The following ANKS1B variants were observed in gnomAD, a reference collection of about 807,000 sequenced individuals.
ANKS1B encodes the protein ankyrin repeat and sterile alpha motif domain-containing protein 1B.
Under a neutral mutation model 148.3 loss-of-function variants are expected in ANKS1B, and 36 were observed. The ratio of observed to expected loss-of-function variants is 0.24; its 90% CI spans 0.19 to 0.32. The LOEUF is 0.32. Ranked by LOEUF, ANKS1B falls within the 10% of genes least tolerant of loss-of-function variation. The pLI is 1.00. For missense variants in ANKS1B, 1,157 were observed against 1,542.6 expected, an observed-to-expected ratio of 0.75 and a Z score of 4.19; for synonymous variants, 542 against 560.8, an observed-to-expected ratio of 0.97 and a Z score of 0.47.
At chr12:98,955,591 G>T (rs909543735) in intron 17 of ANKS1B, among the ~76,000 whole-genome samples, 3 of 152,182 alleles carry the variant, frequency 2.0e-5, no homozygotes, top group Non-Finnish European at 1.5e-5. Flanking sequence ...TGGAAGAGGT[G>T]AGAGGCAGTT....
intron 25 of ANKS1B, among the ~76,000 whole-genome samples, chr12:98,760,561 G>A (rs146637431): frequency 6.6e-6 from 1 of 152,288 alleles, no homozygotes; most frequent in East Asian, 1.9e-4. Flanking sequence ...CTACTTTCCA[G>A]CAAAATCTGG....
intron 1 of ANKS1B, among the ~76,000 whole-genome samples, chr12:99,936,166 G>A (rs1373643962): frequency 6.6e-6 from 1 of 152,132 alleles, no homozygotes; most frequent in Non-Finnish European, 1.5e-5. Flanking sequence ...ACAATCCAAG[G>A]TGAGATTTGG....
chr12:99,843,692 T>C (rs775802708), intron 1 of ANKS1B, among the ~76,000 whole-genome samples: 1 of 152,074 alleles, frequency 6.6e-6, no homozygotes, highest in Non-Finnish European at 1.5e-5. Flanking sequence ...TGTCTTTGTT[T>C]TGTGAATGAT....
At chr12:99,098,109 C>G (rs1031633588) in intron 15 of ANKS1B, among the ~76,000 whole-genome samples, 2 of 152,120 alleles carry the variant, frequency 1.3e-5, no homozygotes, top group African/African-American at 4.8e-5. Context: ...CTGAACAATT[C>G]TATAAAATAG....
chr12:99,521,319 C>A (rs1261266119), intron 9 of ANKS1B, among the ~76,000 whole-genome samples: 4 of 152,130 alleles, frequency 2.6e-5, no homozygotes, highest in African/African-American at 9.7e-5. Flanking sequence ...TTTTGAGTTT[C>A]CTCAACACAG....
intron 15 of ANKS1B, among the ~76,000 whole-genome samples, chr12:99,146,999 A>G (rs1342861191): frequency 6.6e-6 from 1 of 152,124 alleles, no homozygotes; most frequent in African/African-American, 2.4e-5. Flanking sequence ...TCATGCTACA[A>G]TAGCTGTGTT....
intron 10 of ANKS1B, among the ~76,000 whole-genome samples, chr12:99,446,824 C>A (rs1031312644): frequency 6.6e-6 from 1 of 151,898 alleles, no homozygotes; most frequent in African/African-American, 2.4e-5. Flanking sequence ...TTAGGGTATG[C>A]CTTTGAGTAC....
At chr12:99,863,171 C>G (rs2090263312) in intron 1 of ANKS1B, among the ~76,000 whole-genome samples, 1 of 151,980 alleles carries the variant, frequency 6.6e-6, no homozygotes, top group South Asian at 2.1e-4. Flanking sequence ...ATGTATGTGC[C>G]TCTGTTTTTT....
chr12:99,590,344 T>C (rs927498960), intron 9 of ANKS1B, among the ~76,000 whole-genome samples: 3 of 151,566 alleles, frequency 2.0e-5, no homozygotes, highest in African/African-American at 7.3e-5. Flanking sequence ...CCTTACTCTA[T>C]GGAGTTGCCG....
intron 12 of ANKS1B, among the ~76,000 whole-genome samples, chr12:99,339,997 T>C (rs2089638392): frequency 6.6e-6 from 1 of 152,180 alleles, no homozygotes; most frequent in Non-Finnish European, 1.5e-5. Flanking sequence ...TTAGTCTTAA[T>C]TTCTTTCCCA....
intron 17 of ANKS1B, among the ~76,000 whole-genome samples, chr12:99,032,743 C>A (rs1269972950): frequency 1.3e-5 from 2 of 152,100 alleles, no homozygotes; most frequent in Admixed American, 6.5e-5. Flanking sequence ...TTTGTTGGGT[C>A]TCATGAACTT....
intron 11 of ANKS1B, among the ~76,000 whole-genome samples, chr12:99,413,911 C>G (rs2094805336): frequency 2.0e-5 from 3 of 152,166 alleles, no homozygotes; most frequent in Middle Eastern, 3.4e-3. Context: ...AGGGCCCTCA[C>G]CCGGTGCACC....
chr12:99,682,610 C>T (rs191125857), intron 8 of ANKS1B, among the ~76,000 whole-genome samples: 2 of 152,118 alleles, frequency 1.3e-5, no homozygotes, highest in Admixed American at 6.6e-5. Flanking sequence ...AAAAGTGGTG[C>T]TAAAAGGAAA....
chr12:98,955,726 A>G (rs998546452), intron 17 of ANKS1B, among the ~76,000 whole-genome samples: 7 of 152,224 alleles, frequency 4.6e-5, no homozygotes, highest in Non-Finnish European at 1.0e-4. Context: ...GCAACTAGAA[A>G]GATGCAGCTG....
Position 99,246,523 on chromosome 12 carries a change from C to A in ANKS1B, c.2098G>T (p.Asp700Tyr), listed in dbSNP as rs746679510. The change falls in exon 13 of 27, where the codon GAC (aspartate) becomes TAC (tyrosine). Residue 700 changes from aspartate to tyrosine, a missense_variant. Around this residue, in one of 6 missense-constraint regions of ANKS1B, gnomAD observed 661 missense variants for 642.1 expected, o/e 1.03. Transcript: ENST00000683438. ...CCCCCTGCGTTCATAACCCACTGGT[C>A]CCCATTCCGAGATCCACTCCTGGTT... is the stretch of plus-strand genomic sequence containing the variant. ...RSTRSGSRNG[D>Y]QWVMNAGGFV... 6.2e-7 allele frequency: 1 copy of A among 1,613,282 alleles called. No homozygotes were observed. Among genetic ancestry groups the A allele is most frequent in the East Asian group, 2.2e-5 (1 of 44,850 alleles).
chr12:99,012,484 C>T (rs1239091200), intron 17 of ANKS1B, among the ~76,000 whole-genome samples: 1 of 152,162 alleles, frequency 6.6e-6, no homozygotes, highest in Non-Finnish European at 1.5e-5. Context: ...GTATCCTGAT[C>T]CAGAGGTACT....
At chr12:99,458,611 C>A (rs374099879) in intron 10 of ANKS1B, among the ~76,000 whole-genome samples, 3 of 151,794 alleles carry the variant, frequency 2.0e-5, no homozygotes, top group East Asian at 1.9e-4. Flanking sequence ...TACAAAAGAC[C>A]ATTTAAGGTT....
intron 1 of ANKS1B, among the ~76,000 whole-genome samples, chr12:99,902,110 G>A (rs1233641401): frequency 1.3e-5 from 2 of 152,132 alleles, no homozygotes; most frequent in African/African-American, 4.8e-5. Context: ...ATAAATAATG[G>A]GAGAAGATAG....
At chr12:99,665,845 T>C (rs942421477) in intron 8 of ANKS1B, among the ~76,000 whole-genome samples, 1 of 152,196 alleles carries the variant, frequency 6.6e-6, no homozygotes, top group East Asian at 1.9e-4. Flanking sequence ...ATTCTAGACA[T>C]ACCTCCTTTG....
Sources: allele counts gnomAD v4.1 joint callset (sites outside exome capture counted in the v4.1 genomes callset), GRCh38; gene constraint gnomAD v4.1.1; regional missense constraint gnomAD v4.1.1; transcripts MANE v1.5; gene names NCBI Gene and HGNC (gene_info 2026-07-23, HGNC 2026-07-21).